The following CTNNA2 variants were observed in gnomAD, a reference collection of about 807,000 sequenced individuals.
CTNNA2 encodes the protein catenin alpha-2.
CTNNA2 carries 42 observed loss-of-function variants against 101.0 expected under a neutral mutation model. The observed-to-expected ratio is 0.42, with a 90% confidence interval of 0.32 to 0.54. CTNNA2 has a LOEUF of 0.54. Among genes scored for constraint, CTNNA2 ranks in the 20% least tolerant of loss-of-function variants. The pLI, the probability that CTNNA2 is intolerant of heterozygous loss-of-function variation, is 0.14. For missense variants in CTNNA2, 871 were observed against 1,223.1 expected (o/e 0.71, Z 4.29); for synonymous variants, 450 against 456.4 (o/e 0.99, Z 0.18).
At chr2:79,984,419 T>C (rs1240579883) in intron 7 of CTNNA2, among the ~76,000 whole-genome samples, 1 of 152,206 alleles carries the variant, frequency 6.6e-6, no homozygotes, top group Non-Finnish European at 1.5e-5. Flanking sequence ...ATTGTGCTCA[T>C]TTATCATGCT....
intron 2 of CTNNA2, among the ~76,000 whole-genome samples, chr2:79,651,926 T>C (rs1681286503): frequency 6.6e-6 from 1 of 152,176 alleles, no homozygotes; most frequent in Non-Finnish European, 1.5e-5. Context: ...TCATTTACGG[T>C]AATGGGTTCA....
intron 7 of CTNNA2, among the ~76,000 whole-genome samples, chr2:80,012,685 G>A (rs188004999): frequency 9.2e-5 from 14 of 152,190 alleles, no homozygotes; most frequent in Admixed American, 5.9e-4. Flanking sequence ...GATTTGGCCC[G>A]TGGGTTTTAG....
At chr2:80,260,032 A>T (rs1672482414) in intron 7 of CTNNA2, among the ~76,000 whole-genome samples, 1 of 152,184 alleles carries the variant, frequency 6.6e-6, no homozygotes, top group Non-Finnish European at 1.5e-5. Context: ...TTCACACTTT[A>T]TCTCTTTTAA....
intron 1 of CTNNA2, among the ~76,000 whole-genome samples, chr2:79,644,091 G>A (rs901558742): frequency 9.2e-5 from 14 of 152,166 alleles, no homozygotes; most frequent in African/African-American, 1.9e-4. Flanking sequence ...AGGCTGGAGC[G>A]CAGTGGCATA....
chr2:79,839,941 G>T (rs1679676389), intron 3 of CTNNA2, among the ~76,000 whole-genome samples: 1 of 152,080 alleles, frequency 6.6e-6, no homozygotes, highest in African/African-American at 2.4e-5. Context: ...AGACTTATTT[G>T]TGAGAGTCCT....
At chr2:79,344,262 T>C (rs1254597747) in intron 3 of CTNNA2, among the ~76,000 whole-genome samples, 1 of 152,244 alleles carries the variant, frequency 6.6e-6, no homozygotes, top group African/African-American at 2.4e-5. Context: ...AGCCAGGGAA[T>C]GATGCTTCTG....
intron 4 of CTNNA2, among the ~76,000 whole-genome samples, chr2:79,434,964 G>A (rs11126731): frequency 0.32 from 48,398 of 151,966 alleles, 7,836 homozygotes; most frequent in South Asian, 0.44. Context: ...TTGAGGCTTA[G>A]GTCAGAAAAC....
At chr2:80,608,542 A>G (rs1297547643) in intron 17 of CTNNA2, 7 of 365,958 alleles carry the variant, frequency 1.9e-5, no homozygotes, top group Non-Finnish European at 2.9e-5. Flanking sequence ...TAAAATCTCC[A>G]TTCTTCACAA....
chr2:79,698,947 GAGT>G (rs1684817588), intron 2 of CTNNA2, among the ~76,000 whole-genome samples: 1 of 152,090 alleles, frequency 6.6e-6, no homozygotes. Context: ...TATCAAAAGT[GAGT>G]AGAAAGCACC....
At chr2:80,358,081 A>G (rs757856028) in intron 7 of CTNNA2, among the ~76,000 whole-genome samples, 3 of 152,090 alleles carry the variant, frequency 2.0e-5, no homozygotes, top group Non-Finnish European at 2.9e-5. Context: ...GGAAACGTCT[A>G]TAGCCTTTTT....
At chr2:79,751,462 G>A (rs2105030613) in intron 3 of CTNNA2, among the ~76,000 whole-genome samples, 1 of 151,956 alleles carries the variant, frequency 6.6e-6, no homozygotes, top group South Asian at 2.1e-4. Context: ...AGGGTGTGGT[G>A]GCTCATGCCT....
intron 7 of CTNNA2, among the ~76,000 whole-genome samples, chr2:80,379,540 A>G (rs1450080735): frequency 3.9e-5 from 6 of 152,194 alleles, no homozygotes; most frequent in Non-Finnish European, 8.8e-5. Context: ...CAGAATTGCC[A>G]TAATTGTGGA....
intron 1 of CTNNA2, among the ~76,000 whole-genome samples, chr2:79,557,727 G>T (rs1286836394): frequency 1.3e-5 from 2 of 151,852 alleles, no homozygotes; most frequent in Admixed American, 6.6e-5. Context: ...AATCCATAAT[G>T]TAATTCATTT....
intron 7 of CTNNA2, among the ~76,000 whole-genome samples, chr2:79,981,415 G>A (rs2103826245): frequency 6.6e-6 from 1 of 152,214 alleles, no homozygotes; most frequent in South Asian, 2.1e-4. Flanking sequence ...TGGGAGAATA[G>A]TTTATTTGAT....
rs1417004058 is a variant in CTNNA2, at chr2:79,515,645, C to T, written c.-6+2438C>T. ...CAAACAAAGTAACATTTTTTTACAG[C>T]AAAATTTTAAGAGAGATGAGTACAA... On this transcript the variant is annotated intron_variant, in intron 1 of 18. Coordinates refer to ENST00000402739, the MANE Select transcript of CTNNA2 (RefSeq NM_001282597.3). 2.6e-5 allele frequency among the ~76,000 whole-genome samples: 4 copies of T among 152,088 alleles called. No homozygotes were observed. In the East Asian group the frequency reaches 7.7e-4, roughly 29 times the overall value.
At chr2:79,738,432 C>T (rs1671054555) in intron 2 of CTNNA2, among the ~76,000 whole-genome samples, 1 of 152,132 alleles carries the variant, frequency 6.6e-6, no homozygotes, top group African/African-American at 2.4e-5. Context: ...GAAGCTGGCA[C>T]AGCTAATACA....
intron 7 of CTNNA2, among the ~76,000 whole-genome samples, chr2:79,956,843 G>GTTTTTTTTTTCTTTTTTTTTTTT (rs1302247404): frequency 1.0e-5 from 1 of 98,936 alleles, no homozygotes. Flanking sequence ...ATACGTGTGG[G>GTTTTTTTTTTCTTTTTTTTTTTT]TTTTTTTTTT....
intron 9 of CTNNA2, among the ~76,000 whole-genome samples, chr2:80,528,498 T>TA (rs1690237352): frequency 6.6e-6 from 1 of 152,040 alleles, no homozygotes; most frequent in South Asian, 2.1e-4. Flanking sequence ...GCCCAGCCCT[T>TA]AGCCATACAT....
At chr2:80,164,907 A>G (rs1364213031) in intron 7 of CTNNA2, among the ~76,000 whole-genome samples, 1 of 135,642 alleles carries the variant, frequency 7.4e-6, no homozygotes, top group Admixed American at 7.4e-5. Flanking sequence ...TAAGAAATCT[A>G]CTCTTATTTG....
Sources: gnomAD v4.1 joint callset for allele counts (sites outside exome capture counted in the v4.1 genomes callset) on GRCh38, gnomAD v4.1.1 for gene constraint, MANE v1.5 for transcripts, NCBI Gene and HGNC (gene_info 2026-07-23, HGNC 2026-07-21) for gene names.